The following STARD13 variants were observed in gnomAD, a reference collection of about 807,000 sequenced individuals.
STARD13 encodes the protein StAR related lipid transfer domain containing 13, also known as stAR-related lipid transfer protein 13.
In STARD13, 62 loss-of-function variants were observed where a neutral mutation model predicts 106.4. The ratio of observed to expected loss-of-function variants is 0.58; its 90% CI spans 0.48 to 0.72. The LOEUF is 0.72. Among genes scored for constraint, STARD13 ranks in the 30% least tolerant of loss-of-function variants. The pLI, the probability that STARD13 is intolerant of heterozygous loss-of-function variation, is 0.00. For missense variants in STARD13, 1,387 were observed against 1,424.0 expected, an observed-to-expected ratio of 0.97 and a Z score of 0.42; for synonymous variants, 565 against 553.0, an observed-to-expected ratio of 1.02 and a Z score of -0.31.
intron 1 of STARD13, among the ~76,000 whole-genome samples, chr13:33,241,776 G>T (rs953896976): frequency 6.6e-6 from 1 of 152,134 alleles, no homozygotes; most frequent in African/African-American, 2.4e-5. Flanking sequence ...TCCTGACCGC[G>T]AGTGATCTGC....
intron 1 of STARD13, among the ~76,000 whole-genome samples, chr13:33,190,656 G>A (rs555121220): frequency 6.9e-6 from 1 of 145,310 alleles, no homozygotes; most frequent in Non-Finnish European, 1.5e-5. Flanking sequence ...GCACAATCTT[G>A]GCTCACTGCA....
chr13:33,260,722 A>G (rs548061481), intron 1 of STARD13, among the ~76,000 whole-genome samples: 32 of 152,330 alleles, frequency 2.1e-4, no homozygotes, highest in African/African-American at 7.7e-4. Context: ...TTTGAAACCA[A>G]AATTTACCTT....
chr13:33,327,853 G>C (rs1336870442), intron 1 of STARD13, among the ~76,000 whole-genome samples: 1 of 152,164 alleles, frequency 6.6e-6, no homozygotes, highest in Non-Finnish European at 1.5e-5. Context: ...TGAAAAGAAG[G>C]TGATTGATCT....
At chr13:33,596,395 T>TAC in the STARD13 span, among the ~76,000 whole-genome samples, 1 of 152,182 alleles carries the variant, frequency 6.6e-6, no homozygotes, top group Non-Finnish European at 1.5e-5. Context: ...ATGTCATCAA[T>TAC]ACACACACAT....
chr13:33,375,229 A>G, the STARD13 span, among the ~76,000 whole-genome samples: 132 of 152,272 alleles, frequency 8.7e-4, no homozygotes, highest in Non-Finnish European at 1.7e-3. Flanking sequence ...AAACCAATCC[A>G]GATGTGCCGA....
the STARD13 span, among the ~76,000 whole-genome samples, chr13:33,543,035 C>T: frequency 4.6e-5 from 7 of 152,206 alleles, no homozygotes; most frequent in Non-Finnish European, 8.8e-5. Flanking sequence ...TTTACAAACC[C>T]AAAATGGAGC....
intron 1 of STARD13, chr13:33,281,406 A>ATGTGTGTGTGTGTGTG (rs34351733): frequency 8.2e-5 from 12 of 146,860 alleles, no homozygotes; most frequent in Middle Eastern, 3.5e-3. Context: ...TTTTCCAAAT[A>ATGTGTGTGTGTGTGTG]TGTGTGTGTG....
chr13:33,419,520 T>C, the STARD13 span, among the ~76,000 whole-genome samples: 1 of 152,156 alleles, frequency 6.6e-6, no homozygotes, highest in Non-Finnish European at 1.5e-5. Context: ...GGATCCAAGT[T>C]GGAAAACACT....
chr13:33,578,955 C>T, the STARD13 span, among the ~76,000 whole-genome samples: 1 of 151,958 alleles, frequency 6.6e-6, no homozygotes, highest in Non-Finnish European at 1.5e-5. Context: ...TGAGATACCA[C>T]CTTACTCCAG....
chr13:33,275,468 G>A (rs1891378089), intron 1 of STARD13, among the ~76,000 whole-genome samples: 1 of 152,108 alleles, frequency 6.6e-6, no homozygotes. Flanking sequence ...ATAACTCTGA[G>A]ACTGTTGCTC....
chr13:33,308,205 G>A (rs2138488288), intron 1 of STARD13, among the ~76,000 whole-genome samples: 1 of 152,276 alleles, frequency 6.6e-6, no homozygotes, highest in East Asian at 1.9e-4. Flanking sequence ...TAGAATGTCT[G>A]TTTCCCAATT....
At chr13:33,266,895 C>T (rs73458275) in intron 1 of STARD13, among the ~76,000 whole-genome samples, 4,897 of 152,292 alleles carry the variant, frequency 0.032, 254 homozygotes, top group African/African-American at 0.11. Context: ...TGCACACAAT[C>T]GGCTTTGAAC....
chr13:33,127,479 T>G lies in STARD13; in HGVS notation c.1816A>C (p.Ser606Arg). 6.3e-7 allele frequency: 1 copy of G among 1,596,430 alleles called. No individual in the cohort carries two copies. The highest frequency in any genetic ancestry group is 8.5e-7 in the Non-Finnish European group (1 of 1,176,458). ...CTCAGCTGGCTGGCCGTCTGGCTGC[T>G]GATGTGGGGCGATGCTGGGGCCGGC... ...PRPAPASPHI[S>R]SQTASQLSLL... The change falls in exon 6 of 14, where the codon AGC becomes CGC. Residue 606 changes from serine to arginine, a missense_variant. Ser to Arg is a moderately radical substitution (Grantham distance 110). Coordinates refer to ENST00000336934, the MANE Select transcript of STARD13 (RefSeq NM_178006.4).
chr13:33,373,565 A>G, the STARD13 span, among the ~76,000 whole-genome samples: 4 of 152,168 alleles, frequency 2.6e-5, no homozygotes, highest in African/African-American at 9.6e-5. Flanking sequence ...ATAAGGGTTA[A>G]TATTCAGCAC....
chr13:33,167,539 G>T lies in STARD13; in HGVS notation c.241+12C>A, dbSNP rs766692271. 2 of 1,613,896 alleles carry T rather than the reference G, an allele frequency of 1.2e-6. No individual in the cohort carries two copies. The highest frequency in any genetic ancestry group is 1.7e-6 in the Non-Finnish European group (2 of 1,179,754). ...ATTCTCTGTGTAAGAGCGAAGCGAA[G>T]GGCTGACGTACCCTCATATAACTGA... On this transcript the variant is annotated intron_variant, in intron 2 of 13. Coordinates refer to ENST00000336934, the MANE Select transcript of STARD13 (RefSeq NM_178006.4).
the STARD13 span, among the ~76,000 whole-genome samples, chr13:33,645,698 T>C: frequency 2.0e-5 from 3 of 152,206 alleles, no homozygotes; most frequent in African/African-American, 4.8e-5. Context: ...CAGCAGGTGT[T>C]GGCCCTCAGT....
chr13:33,307,287 C>T lies in STARD13; in HGVS notation c.124+43003G>A, dbSNP rs1416345919. Among the ~76,000 whole-genome samples, 8 of 152,102 alleles carry T rather than the reference C, an allele frequency of 5.3e-5. No individual in the cohort carries two copies. In the East Asian group the frequency reaches 9.6e-4, roughly 18 times the overall value. On this transcript the variant is annotated intron_variant, in intron 1 of 5. Coordinates refer to the STARD13 transcript ENST00000567873. Reference sequence around the variant, plus strand: ...CCTAAAAGCAGAACTACCATTTGACCGAGCAATCCCATTACTAGGTTATAT... The same window carrying T: ...CCTAAAAGCAGAACTACCATTTGACTGAGCAATCCCATTACTAGGTTATAT...
At chr13:33,547,544 A>G in the STARD13 span, among the ~76,000 whole-genome samples, 1 of 152,202 alleles carries the variant, frequency 6.6e-6, no homozygotes, top group East Asian at 1.9e-4. Context: ...TGTATAGATA[A>G]TTTTGTAACG....
At chr13:33,237,009 C>T (rs2138231780) in intron 1 of STARD13, among the ~76,000 whole-genome samples, 1 of 152,168 alleles carries the variant, frequency 6.6e-6, no homozygotes, top group East Asian at 1.9e-4. Context: ...TTTTGGTTTT[C>T]ACTGCTCAAT....
Sources: allele counts gnomAD v4.1 joint callset (sites outside exome capture counted in the v4.1 genomes callset), GRCh38; gene constraint gnomAD v4.1.1; transcripts MANE v1.5; gene names NCBI Gene and HGNC (gene_info 2026-07-23, HGNC 2026-07-21).